DEFB104B: variants seen among roughly 807,000 people sequenced by gnomAD.
The protein encoded by DEFB104B is beta-defensin 104.
intron 1 of DEFB104B, among the ~76,000 whole-genome samples, chr8:7,474,097 A>C (rs543740181): frequency 7.1e-6 from 1 of 140,988 alleles, no homozygotes; most frequent in Non-Finnish European, 1.6e-5. Flanking sequence ...TCATTAACCC[A>C]TCTGAATCAC....
At chr8:7,471,188 A>G (rs1436006888) in intron 1 of DEFB104B, among the ~76,000 whole-genome samples, 2 of 145,224 alleles carry the variant, frequency 1.4e-5, no homozygotes, top group Admixed American at 6.9e-5. Flanking sequence ...ATACACATAT[A>G]TAGAGAGAGA....
At chr8:7,473,076 C>T (rs866607832) in intron 1 of DEFB104B, among the ~76,000 whole-genome samples, 61 of 143,442 alleles carry the variant, frequency 4.3e-4, no homozygotes, top group Admixed American at 2.9e-3. Context: ...AGGCCAGTCT[C>T]GAACTCCTGA....
In DEFB104B at chr8:7,474,713, G is replaced by A. The variant is rs1390542188; in HGVS notation, c.58+298C>T. The stretch of plus-strand genomic sequence containing the variant: ...ATGGCTAGTGAGTCCTCACTGCTGA[G>A]GATTCCATGAGGAATTGTTACCGTG... On this transcript the variant is annotated intron_variant, in intron 1 of 1. Coordinates refer to ENST00000316169, the MANE Select transcript of DEFB104B (RefSeq NM_001040702.1). Among the ~76,000 whole-genome samples, 4 of 140,138 alleles carry A rather than the reference G, an allele frequency of 2.9e-5. No individual in the cohort carries two copies. In the East Asian group the frequency reaches 8.1e-4, roughly 28 times the overall value. The allele number at this position is 140,138 out of a possible 152,430, so 91.9% of individuals were successfully genotyped here.
intron 1 of DEFB104B, among the ~76,000 whole-genome samples, chr8:7,472,095 G>C (rs1262703099): frequency 2.7e-5 from 4 of 148,078 alleles, no homozygotes; most frequent in Non-Finnish European, 5.9e-5. Flanking sequence ...TCATTCAAAA[G>C]CAAGCCCCTG....
chr8:7,471,172 A>T (rs1352145379), intron 1 of DEFB104B, among the ~76,000 whole-genome samples: 1 of 148,032 alleles, frequency 6.8e-6, no homozygotes, highest in Admixed American at 6.8e-5. Context: ...ATATAGGTAT[A>T]TATATATACA....
chr8:7,472,517 G>T (rs1383759482), intron 1 of DEFB104B, among the ~76,000 whole-genome samples: 6 of 137,732 alleles, frequency 4.4e-5, no homozygotes, highest in Admixed American at 2.2e-4. Flanking sequence ...GCAAAAGGGA[G>T]AATGCAGTCC....
At chr8:7,470,951 G>A (rs1436246974) in intron 1 of DEFB104B, among the ~76,000 whole-genome samples, 34 of 120,584 alleles carry the variant, frequency 2.8e-4, no homozygotes, top group Non-Finnish European at 4.9e-4. Context: ...GTACCTTCAC[G>A]TGCACTGTCC....
intron 1 of DEFB104B, among the ~76,000 whole-genome samples, chr8:7,471,260 T>C (rs1810933448): frequency 8.1e-6 from 1 of 122,812 alleles, no homozygotes; most frequent in African/African-American, 3.1e-5. Context: ...TGTTATTTGC[T>C]ATTCTCATTC....
At position 7,472,767 on chromosome 8, in the gene DEFB104B, A is replaced by G. The variant is rs28681639; in HGVS notation, c.58+2244T>C. ...GACATGTGCCCAAGGTGGTTGTGAT[A>G]CAGCTTGCTTGGTTTTATACATTTT... On this transcript the variant is annotated intron_variant, in intron 1 of 1. Coordinates refer to ENST00000316169, the MANE Select transcript of DEFB104B (RefSeq NM_001040702.1). 7.6e-3 allele frequency among the ~76,000 whole-genome samples: 934 copies of G among 123,054 alleles called. 18 individuals carry two copies. The highest frequency in any genetic ancestry group is 0.026 in the Admixed American group (295 of 11,484). 80.7% of individuals were successfully genotyped at this position (123,054 alleles called of 152,430 possible). A position where few individuals can be genotyped will look rare whatever the true frequency, so the allele number is the denominator to read the frequency against.
At chr8:7,473,860 G>A (rs1457097381) in intron 1 of DEFB104B, among the ~76,000 whole-genome samples, 2 of 138,862 alleles carry the variant, frequency 1.4e-5, no homozygotes, top group Admixed American at 7.4e-5. Context: ...CAGCTCTGCG[G>A]TGCATTCTTC....
At chr8:7,472,832 C>A (rs1563350107) in intron 1 of DEFB104B, among the ~76,000 whole-genome samples, 2 of 130,664 alleles carry the variant, frequency 1.5e-5, no homozygotes, top group Non-Finnish European at 3.2e-5. Flanking sequence ...GTAAGATTTG[C>A]TTTGTTTTTT....
intron 1 of DEFB104B, among the ~76,000 whole-genome samples, chr8:7,471,105 C>T (rs1339049966): frequency 3.3e-5 from 5 of 152,116 alleles, no homozygotes; most frequent in Non-Finnish European, 7.3e-5. Context: ...TCTCCCTATG[C>T]ATTTGTTATT....
Position 7,472,330 on chromosome 8 carries a change from C to A in DEFB104B, c.59-1814G>T, listed in dbSNP as rs1375640536. ...AGGAGAATAGACTAGGAAGAGAACC[C>A]AACCTTTAAAATGTTAGACTGTCAG... On this transcript the variant is annotated intron_variant, in intron 1 of 1. Coordinates refer to ENST00000316169, the MANE Select transcript of DEFB104B (RefSeq NM_001040702.1). 1.8e-4 allele frequency among the ~76,000 whole-genome samples: 21 copies of A among 119,496 alleles called. 2 individuals carry two copies. The allele number at this position is 119,496 out of a possible 152,430, so 78.4% of individuals were successfully genotyped here.
At chr8:7,471,094 T>C (rs1295434324) in intron 1 of DEFB104B, among the ~76,000 whole-genome samples, 1 of 152,160 alleles carries the variant, frequency 6.6e-6, no homozygotes. Flanking sequence ...AAAAGTATTT[T>C]TCTCCCTATG....
intron 1 of DEFB104B, among the ~76,000 whole-genome samples, chr8:7,472,845 G>T (rs6985927): frequency 0.78 from 94,661 of 121,952 alleles, 35,633 homozygotes; most frequent in Non-Finnish European, 0.81. Context: ...TGTTTTTTTT[G>T]TTTGTTTGTT....
chr8:7,472,520 T>C (rs1172761755), intron 1 of DEFB104B, among the ~76,000 whole-genome samples: 1 of 137,458 alleles, frequency 7.3e-6, no homozygotes, highest in Non-Finnish European at 1.5e-5. Flanking sequence ...AAAGGGAGAA[T>C]GCAGTCCATA....
In DEFB104B at chr8:7,472,862, T is replaced by G. The variant is rs111835447; in HGVS notation, c.58+2149A>C. Reference sequence around the variant, plus strand: ...TTTTTTTTGTTTGTTTGTTTGTTTGTTTGGTTTTTTTTGAGACACAGTCTT... The same window carrying G: ...TTTTTTTTGTTTGTTTGTTTGTTTGGTTGGTTTTTTTTGAGACACAGTCTT... On this transcript the variant is annotated intron_variant, in intron 1 of 1. Coordinates refer to ENST00000316169, the MANE Select transcript of DEFB104B (RefSeq NM_001040702.1). 7.0e-4 allele frequency among the ~76,000 whole-genome samples: 93 copies of G among 132,624 alleles called. 4 individuals are homozygous for G. The highest frequency in any genetic ancestry group is 9.4e-4 in the Non-Finnish European group (60 of 63,740). The allele number at this position is 132,624 out of a possible 152,430, so 87.0% of individuals were successfully genotyped here.
intron 1 of DEFB104B, among the ~76,000 whole-genome samples, chr8:7,473,197 AG>A (rs1811014983): frequency 4.4e-5 from 1 of 22,910 alleles, no homozygotes; most frequent in African/African-American, 6.0e-5. Flanking sequence ...GACAATTCAA[AG>A]TGGGGGTGGC....
At chr8:7,474,363 T>C (rs1811056136) in intron 1 of DEFB104B, among the ~76,000 whole-genome samples, 1 of 144,150 alleles carries the variant, frequency 6.9e-6, no homozygotes, top group South Asian at 2.2e-4. Flanking sequence ...ATTGCAAATA[T>C]ATTAAGAAAT....
Sources: gnomAD v4.1 joint callset for allele counts (sites outside exome capture counted in the v4.1 genomes callset) on GRCh38, gnomAD v4.1.1 for gene constraint, MANE v1.5 for transcripts, NCBI Gene and HGNC (gene_info 2026-07-23, HGNC 2026-07-21) for gene names.